The following NMD3 variants were observed in gnomAD, a reference collection of about 807,000 sequenced individuals.
NMD3 encodes the protein 60S ribosomal export protein NMD3.
NMD3 carries 47 observed loss-of-function variants against 73.1 expected under a neutral mutation model. The ratio of observed to expected loss-of-function variants is 0.64; its 90% CI spans 0.51 to 0.82. The LOEUF (loss-of-function observed/expected upper bound fraction) is 0.82. Ranked by LOEUF, NMD3 falls within the 40% of genes least tolerant of loss-of-function variation. NMD3 has a pLI of 0.00. For synonymous variants in NMD3, 210 were observed against 194.5 expected, an observed-to-expected ratio of 1.08 and a Z score of -0.66; for missense variants, 554 against 612.5, an observed-to-expected ratio of 0.90 and a Z score of 1.01.
chr3:161,245,721 T>C (rs887832600), intron 11 of NMD3, among the ~76,000 whole-genome samples: 5 of 152,072 alleles, frequency 3.3e-5, no homozygotes, highest in Non-Finnish European at 7.4e-5. Flanking sequence ...AATAGTTTTC[T>C]AGTTTAAAAA....
intron 9 of NMD3, among the ~76,000 whole-genome samples, chr3:161,239,628 C>T (rs1248188203): frequency 6.6e-6 from 1 of 152,120 alleles, no homozygotes; most frequent in Non-Finnish European, 1.5e-5. Context: ...ATAACTTGCC[C>T]AAAGTTACAT....
chr3:161,241,065 C>G lies in NMD3; in HGVS notation c.773C>G (p.Ser258Cys), dbSNP rs749682322. 2.5e-6 allele frequency: 4 copies of G among 1,611,512 alleles called. No homozygotes were observed. The South Asian group carries it at 4.4e-5, about 18-fold the overall frequency. Residue 258 changes from serine (S) to cysteine (C), a missense_variant, in exon 10 of 16, where the codon TCT (serine) becomes TGT (cysteine). Ser to Cys is a moderately radical substitution (Grantham distance 112). Transcript: ENST00000351193. ...PICKDNVVCL[S>C]PKLAQSLGNM... ...GCCTAGGATAATGTTGTCTGTCTGT[C>G]TCCAAAACTGGCACAAAGCCTGGGA...
intron 11 of NMD3, among the ~76,000 whole-genome samples, chr3:161,244,990 A>G (rs1385921901): frequency 6.6e-6 from 1 of 152,090 alleles, no homozygotes; most frequent in East Asian, 1.9e-4. Flanking sequence ...GGTCTTTGAA[A>G]GCATCCTTGA....
chr3:161,241,933 A>G (rs1421371943), intron 10 of NMD3, among the ~76,000 whole-genome samples: 1 of 151,904 alleles, frequency 6.6e-6, no homozygotes, highest in Non-Finnish European at 1.5e-5. Context: ...TTTAAGGAAG[A>G]CCACATTTTG....
rs1157753612 is a variant in NMD3 at position 161,249,555 on chromosome 3, T to C, written c.1305T>C (p.Asp435=). Residue 435 remains aspartate, a synonymous_variant, in exon 14 of 16, where the codon GAT becomes GAC. Coordinates refer to ENST00000351193, the MANE Select transcript of NMD3 (RefSeq NM_015938.5). ...ARERENMDTD[D]ERQYQDFLED... Reference sequence around the variant, plus strand: ...AGAGAGAAAACATGGATACAGATGATGAAAGGTCTCGCTTTTCTTTAAATC... The same window carrying C: ...AGAGAGAAAACATGGATACAGATGACGAAAGGTCTCGCTTTTCTTTAAATC... 6.3e-7 allele frequency: 1 copy of C among 1,583,470 alleles called. No homozygotes were observed. The highest frequency in any genetic ancestry group is 8.7e-7 in the Non-Finnish European group (1 of 1,152,862).
chr3:161,241,751 G>T (rs1373414504), intron 10 of NMD3, among the ~76,000 whole-genome samples: 1 of 152,022 alleles, frequency 6.6e-6, no homozygotes. Context: ...TTTAATTTTT[G>T]TGACTATTTA....
chr3:161,225,147 G>T, intron 3 of NMD3, 83 bp downstream of exon 3: 1 of 1,400,854 alleles, frequency 7.1e-7, no homozygotes, highest in Non-Finnish European at 9.7e-7. Flanking sequence ...ATTACACGAA[G>T]GTATATGGAG....
In NMD3 at chr3:161,241,038, A is replaced by T; in HGVS notation, c.754-8A>T. 1 of 1,565,132 alleles carries T rather than the reference A, an allele frequency of 6.4e-7. No individual in the cohort carries two copies. Among genetic ancestry groups the T allele is most frequent in the Non-Finnish European group, 8.8e-7 (1 of 1,137,608 alleles). ...TGCCTCATTCTAAATGTTAGTTCTT[A>T]TGCCTAGGATAATGTTGTCTGTCTG... On this transcript the variant is annotated splice_polypyrimidine_tract_variant and splice_region_variant and intron_variant, in intron 9 of 15. Coordinates refer to ENST00000351193, the MANE Select transcript of NMD3 (RefSeq NM_015938.5).
In NMD3 at chr3:161,225,016, A is replaced by G. The variant is rs768026046; in HGVS notation, c.131A>G (p.Gln44Arg). The G allele has an allele frequency of 1.4e-5, 22 of 1,614,004 alleles. No homozygotes were observed. The highest frequency in any genetic ancestry group is 1.8e-5 in the Non-Finnish European group (21 of 1,180,014). ...TTGCGAAGTAAAGTGGACATCAGCC[A>G]AGGTATTCCGAAACAAGTCTCGATT... ...ACLRSKVDIS[Q>R]GIPKQVSISF... The change falls in exon 3 of 16, where the codon CAA (glutamine) becomes CGA (arginine). Residue 44 changes from glutamine (Q) to arginine (R), a missense_variant. Gln to Arg is a conservative substitution (Grantham distance 43). Transcript: ENST00000351193.
At position 161,250,319 on chromosome 3, in the gene NMD3, T is replaced by C; in HGVS notation, c.1374T>C (p.Ile458=). 6.3e-7 allele frequency: 1 copy of C among 1,595,138 alleles called. No homozygotes were observed. ...AGGCAATTCGAAAAAATGTCAACATTTACAGAGGTTGGTGTTCTAGGAGTG... is the reference window on the plus strand; with the variant it reads ...AGGCAATTCGAAAAAATGTCAACATCTACAGAGGTTGGTGTTCTAGGAGTG... ...EDEAIRKNVN[I]YRDSAIPVES... is the part of the protein sequence containing the mutation. Residue 458 remains isoleucine (I), a synonymous_variant, in exon 15 of 16, where the codon ATT becomes ATC. Coordinates refer to ENST00000351193, the MANE Select transcript of NMD3 (RefSeq NM_015938.5).
chr3:161,246,072 C>T (rs1032355340), intron 11 of NMD3, among the ~76,000 whole-genome samples: 2 of 151,994 alleles, frequency 1.3e-5, no homozygotes, highest in Non-Finnish European at 2.9e-5. Context: ...TTTTTAGGGA[C>T]ATTATTAATG....
chr3:161,244,134 T>C (rs1434121762), intron 11 of NMD3, among the ~76,000 whole-genome samples: 2 of 152,200 alleles, frequency 1.3e-5, no homozygotes, highest in Non-Finnish European at 2.9e-5. Context: ...ATACATTCTT[T>C]TAATTAATTA....
chr3:161,241,651 C>A lies in NMD3; in HGVS notation c.871+488C>A, dbSNP rs1488318104. Among the ~76,000 whole-genome samples, 3 of 152,184 alleles carry A rather than the reference C, an allele frequency of 2.0e-5. No homozygotes were observed. The East Asian group carries it at 5.8e-4, about 29-fold the overall frequency. ...GGCCAGGCTGGTCTTGAACTCCTGACCTCGTGATCTGCCCGCCTCGGCCTC... is the reference window on the plus strand; with the variant it reads ...GGCCAGGCTGGTCTTGAACTCCTGAACTCGTGATCTGCCCGCCTCGGCCTC... On this transcript the variant is annotated intron_variant, in intron 10 of 15. Transcript: ENST00000351193.
chr3:161,250,647 CAA>C (rs1160733685), intron 15 of NMD3, 131 bp from the exon 16 acceptor site: 6 of 615,070 alleles, frequency 9.8e-6, no homozygotes, highest in African/African-American at 3.7e-5. Flanking sequence ...CTGTAAGAGA[CAA>C]GAGCTTCTGA....
chr3:161,237,810 G>T (rs559238132), intron 7 of NMD3, among the ~76,000 whole-genome samples: 1 of 152,104 alleles, frequency 6.6e-6, no homozygotes, highest in South Asian at 2.1e-4. Context: ...TTACAGGCAT[G>T]AGCCACCGCA....
chr3:161,233,339 C>T (rs771221841), intron 4 of NMD3, 60 bp from the exon 5 acceptor site: 5 of 1,132,652 alleles, frequency 4.4e-6, no homozygotes, highest in African/African-American at 1.5e-5. Flanking sequence ...TTTGTTCTTT[C>T]GTGTTTTTTT....
At chr3:161,240,745 G>T (rs1386975564) in intron 9 of NMD3, among the ~76,000 whole-genome samples, 1 of 151,540 alleles carries the variant, frequency 6.6e-6, no homozygotes, top group African/African-American at 2.4e-5. Flanking sequence ...TGTTGTCCAG[G>T]TTAGACTTGA....
intron 3 of NMD3, among the ~76,000 whole-genome samples, chr3:161,226,833 G>A (rs913879745): frequency 6.6e-6 from 1 of 152,170 alleles, no homozygotes; most frequent in Non-Finnish European, 1.5e-5. Context: ...TTATAGTGTT[G>A]TGAGGTACTA....
chr3:161,224,867 TA>T (rs1328661434), intron 2 of NMD3, 62 bp from the exon 3 acceptor site: 1,057 of 1,442,800 alleles, frequency 7.3e-4, no homozygotes, highest in South Asian at 1.3e-3. Flanking sequence ...GTTTGGCATC[TA>T]AAAAAAAATT....
Sources: gnomAD v4.1 joint callset for allele counts (sites outside exome capture counted in the v4.1 genomes callset) on GRCh38, gnomAD v4.1.1 for gene constraint, MANE v1.5 for transcripts, NCBI Gene and HGNC (gene_info 2026-07-23, HGNC 2026-07-21) for gene names.